The following NRG4 variants were observed in gnomAD, a reference collection of about 807,000 sequenced individuals.
NRG4 encodes the protein pro-neuregulin-4, membrane-bound isoform.
A neutral mutation model predicts 15.0 loss-of-function variants in NRG4; 10 were observed. The ratio of observed to expected loss-of-function variants is 0.67; its 90% CI spans 0.41 to 1.13. The LOEUF (loss-of-function observed/expected upper bound fraction) is 1.13. NRG4 is among the 50% of genes most tolerant of loss of function. The pLI is 0.00. For missense variants in NRG4, 139 were observed against 140.2 expected, an observed-to-expected ratio of 0.99 and a Z score of 0.04; for synonymous variants, 41 against 50.1, an observed-to-expected ratio of 0.82 and a Z score of 0.77.
chr15:76,008,167 A>G (rs1207168878), intron 3 of NRG4, among the ~76,000 whole-genome samples: 2 of 152,246 alleles, frequency 1.3e-5, no homozygotes, highest in South Asian at 4.1e-4. Flanking sequence ...TTAAAAAAGA[A>G]GAGTATACTG....
intron 3 of NRG4, among the ~76,000 whole-genome samples, chr15:75,991,766 TACC>T (rs2034027133): frequency 6.6e-6 from 1 of 152,142 alleles, no homozygotes; most frequent in African/African-American, 2.4e-5. Context: ...TACATATATG[TACC>T]ATTTATGATT....
intron 3 of NRG4, among the ~76,000 whole-genome samples, chr15:76,000,276 T>A (rs1412031730): frequency 6.6e-6 from 1 of 152,058 alleles, no homozygotes; most frequent in East Asian, 1.9e-4. Flanking sequence ...AACAACTGCA[T>A]GGAAAACTAA....
At chr15:76,015,379 T>C (rs2034944162), upstream of NRG4, among the ~76,000 whole-genome samples, 1 of 152,204 alleles carries the variant, frequency 6.6e-6, no homozygotes, top group South Asian at 2.1e-4. Context: ...CAATACTATG[T>C]TGAATAGGAA....
At chr15:75,962,372 C>A (rs1240313597) in intron 3 of NRG4, among the ~76,000 whole-genome samples, 1 of 152,050 alleles carries the variant, frequency 6.6e-6, no homozygotes, top group African/African-American at 2.4e-5. Flanking sequence ...TTATTCCAAC[C>A]CCATTCATTA....
intron 4 of NRG4, among the ~76,000 whole-genome samples, chr15:76,045,964 T>G (rs1010622230): frequency 4.0e-5 from 6 of 151,120 alleles, no homozygotes; most frequent in African/African-American, 4.9e-5. Flanking sequence ...ACAGGATAAA[T>G]GCTTGAGGGG....
chr15:75,950,011 C>G (rs149549375), intron 5 of NRG4, among the ~76,000 whole-genome samples: 1 of 152,306 alleles, frequency 6.6e-6, no homozygotes, highest in African/African-American at 2.4e-5. Flanking sequence ...TACAAAAACA[C>G]CTGTTGGGAT....
chr15:75,955,360 T>C (rs1455979710), intron 5 of NRG4, among the ~76,000 whole-genome samples: 1 of 152,196 alleles, frequency 6.6e-6, no homozygotes, highest in African/African-American at 2.4e-5. Flanking sequence ...ATCATTGGCT[T>C]ACCTAGTCTA....
chr15:75,970,728 A>T (rs1258644331), intron 3 of NRG4, among the ~76,000 whole-genome samples: 2 of 152,244 alleles, frequency 1.3e-5, no homozygotes, highest in African/African-American at 2.4e-5. Context: ...AGATGCATGG[A>T]GGAAAGTGAG....
At chr15:75,988,340 C>T (rs1471409593) in intron 3 of NRG4, among the ~76,000 whole-genome samples, 1 of 152,122 alleles carries the variant, frequency 6.6e-6, no homozygotes, top group Non-Finnish European at 1.5e-5. Flanking sequence ...CATGCGCCAC[C>T]ATGCCCTGAT....
At chr15:76,038,515 A>T (rs1420657166) in intron 4 of NRG4, among the ~76,000 whole-genome samples, 1 of 152,196 alleles carries the variant, frequency 6.6e-6, no homozygotes, top group Non-Finnish European at 1.5e-5. Flanking sequence ...CCATAAGGTG[A>T]GGGTCCTCTG....
At chr15:76,027,044 C>T (rs1296364914) in intron 5 of NRG4, among the ~76,000 whole-genome samples, 2 of 151,998 alleles carry the variant, frequency 1.3e-5, no homozygotes, top group East Asian at 3.9e-4. Flanking sequence ...TGGTATGAGC[C>T]CGGGAGGCAG....
rs138617784 is a variant in NRG4, at chr15:76,058,292, T to A, written c.-327-1273A>T. On this transcript the variant is annotated intron_variant, in intron 1 of 8. Coordinates refer to the NRG4 transcript ENST00000563910. Reference sequence around the variant, plus strand: ...TCCGTCTAGAAATGTAGAAAAATCCTTTGGCAACCCAGGTAGCTTCCACAA... The same window carrying A: ...TCCGTCTAGAAATGTAGAAAAATCCATTGGCAACCCAGGTAGCTTCCACAA... Among the ~76,000 whole-genome samples, 261 of 152,328 alleles carry A rather than the reference T, an allele frequency of 1.7e-3. 1 individual carries two copies. The highest frequency in any genetic ancestry group is 6.1e-3 in the African/African-American group (254 of 41,572).
chr15:75,978,240 T>C (rs548723009), intron 3 of NRG4, among the ~76,000 whole-genome samples: 1 of 152,300 alleles, frequency 6.6e-6, no homozygotes, highest in South Asian at 2.1e-4. Flanking sequence ...CATATTCAAC[T>C]CTCTACCTCC....
intron 4 of NRG4, among the ~76,000 whole-genome samples, chr15:75,958,166 C>T (rs1595954419): frequency 2.0e-5 from 3 of 152,118 alleles, no homozygotes; most frequent in Admixed American, 2.0e-4. Flanking sequence ...GCACCCGCCA[C>T]CATGCCCGGC....
intron 2 of NRG4, among the ~76,000 whole-genome samples, chr15:76,053,549 C>G (rs2141968600): frequency 6.6e-6 from 1 of 150,822 alleles, no homozygotes; most frequent in South Asian, 2.1e-4. Flanking sequence ...TTTATTTTTA[C>G]TTATTTTTTA....
chr15:75,968,574 G>A (rs1028073308), intron 3 of NRG4, among the ~76,000 whole-genome samples: 3 of 136,354 alleles, frequency 2.2e-5, no homozygotes, highest in Non-Finnish European at 3.1e-5. Context: ...GCGATAGAGC[G>A]AAACTCCATC....
intron 3 of NRG4, among the ~76,000 whole-genome samples, chr15:75,986,099 T>G (rs1283911836): frequency 6.6e-6 from 1 of 152,170 alleles, no homozygotes; most frequent in Non-Finnish European, 1.5e-5. Flanking sequence ...ATCAGATTGG[T>G]AAGAACCCAA....
chr15:76,018,329 C>T (rs1358567808), intron 5 of NRG4, among the ~76,000 whole-genome samples: 1 of 152,094 alleles, frequency 6.6e-6, no homozygotes, highest in Non-Finnish European at 1.5e-5. Context: ...CTAATTCTGT[C>T]GATTTGTCAA....
intron 5 of NRG4, among the ~76,000 whole-genome samples, chr15:76,029,450 A>AT (rs1344943125): frequency 1.2e-4 from 19 of 152,322 alleles, no homozygotes; most frequent in Middle Eastern, 3.4e-3. Flanking sequence ...AGAGAAAGAA[A>AT]TAAAGGGCAT....
Sources: allele counts gnomAD v4.1 joint callset (sites outside exome capture counted in the v4.1 genomes callset), GRCh38; gene constraint gnomAD v4.1.1; transcripts MANE v1.5; gene names NCBI Gene and HGNC (gene_info 2026-07-23, HGNC 2026-07-21).